The following FNIP1 variants were observed in gnomAD, a reference collection of about 807,000 sequenced individuals.
FNIP1 encodes folliculin interacting protein 1.
FNIP1 carries 40 observed loss-of-function variants against 124.5 expected under a neutral mutation model. That is an observed-to-expected ratio of 0.32 (90% CI 0.25 to 0.42). The LOEUF (loss-of-function observed/expected upper bound fraction) is 0.42, where lower values mean the gene tolerates loss of function less well. Ranked by LOEUF, FNIP1 falls within the 10% of genes least tolerant of loss-of-function variation. The pLI, the probability that FNIP1 is intolerant of heterozygous loss-of-function variation, is 1.00. For missense variants in FNIP1, 1,176 were observed against 1,403.7 expected, an observed-to-expected ratio of 0.84 and a Z score of 2.59; for synonymous variants, 472 against 470.6, an observed-to-expected ratio of 1.00 and a Z score of -0.04.
intron 8 of FNIP1, 95 bp from the exon 9 acceptor site, chr5:131,706,641 CT>C: frequency 1.6e-6 from 2 of 1,261,494 alleles, no homozygotes; most frequent in Non-Finnish European, 2.1e-6. Flanking sequence ...TTAAGTTAAA[CT>C]TTATTTTGCT....
intron 1 of FNIP1, among the ~76,000 whole-genome samples, chr5:131,767,138 A>G (rs1190917158): frequency 6.6e-6 from 1 of 152,102 alleles, no homozygotes; most frequent in Admixed American, 6.6e-5. Flanking sequence ...ATCAGGCTTA[A>G]AAGAAATTTT....
intron 15 of FNIP1, among the ~76,000 whole-genome samples, chr5:131,657,888 A>G (rs1767255232): frequency 6.6e-6 from 1 of 151,892 alleles, no homozygotes; most frequent in Admixed American, 6.6e-5. Flanking sequence ...AAAATACAAA[A>G]AAATTAGCCG....
At chr5:131,704,370 T>C in intron 9 of FNIP1, 104 bp from the exon 10 acceptor site, 2 of 916,004 alleles carry the variant, frequency 2.2e-6, no homozygotes, top group Non-Finnish European at 3.2e-6. Context: ...TTTGCTGTTT[T>C]ATCAAACAAA....
chr5:131,719,407 C>T lies in FNIP1; in HGVS notation c.365G>A (p.Cys122Tyr). The T allele has an allele frequency of 6.2e-7, 1 of 1,610,686 alleles. No homozygotes were observed. Among genetic ancestry groups the T allele is most frequent in the Non-Finnish European group, 8.5e-7 (1 of 1,179,152 alleles). The change falls in exon 4 of 18, where the codon TGC becomes TAC. Residue 122 changes from cysteine to tyrosine, a missense_variant. By Grantham distance (194) the Cys-to-Tyr change is radical. Coordinates refer to ENST00000510461, the MANE Select transcript of FNIP1 (RefSeq NM_133372.3). ...DQCLKYQGSR[C>Y]SSDANMLGEM... ...TCCAAGCATATTGGCATCAGAAGAGCACCGAGAACCCTAAACAATAACCAC... is the reference window on the plus strand; with the variant it reads ...TCCAAGCATATTGGCATCAGAAGAGTACCGAGAACCCTAAACAATAACCAC...
At chr5:131,694,641 A>C (rs1768627759) in intron 11 of FNIP1, among the ~76,000 whole-genome samples, 1 of 152,166 alleles carries the variant, frequency 6.6e-6, no homozygotes, top group African/African-American at 2.4e-5. Flanking sequence ...AGGGCGGTGA[A>C]ATTATTCTAT....
intron 11 of FNIP1, among the ~76,000 whole-genome samples, chr5:131,693,514 G>A (rs1324929808): frequency 3.3e-5 from 5 of 151,370 alleles, no homozygotes; most frequent in Admixed American, 1.3e-4. Context: ...GTGCTGCAAC[G>A]ACTGGACATC....
chr5:131,737,591 T>C (rs1029289278), intron 2 of FNIP1, among the ~76,000 whole-genome samples: 3 of 152,198 alleles, frequency 2.0e-5, no homozygotes, highest in Admixed American at 6.5e-5. Context: ...AGTCCTTTCA[T>C]GGCAATTCAC....
chr5:131,678,730 T>C (rs904884618), intron 12 of FNIP1, among the ~76,000 whole-genome samples: 21 of 152,222 alleles, frequency 1.4e-4, no homozygotes, highest in African/African-American at 5.1e-4. Context: ...GTTTTCTACC[T>C]CTTTTCTATG....
At chr5:131,723,777 G>A (rs1769753760) in intron 3 of FNIP1, among the ~76,000 whole-genome samples, 1 of 152,094 alleles carries the variant, frequency 6.6e-6, no homozygotes, top group African/African-American at 2.4e-5. Flanking sequence ...TGTTACATAG[G>A]TATAAAAGTG....
intron 1 of FNIP1, among the ~76,000 whole-genome samples, chr5:131,790,289 G>A (rs922331122): frequency 3.3e-5 from 5 of 151,880 alleles, no homozygotes; most frequent in African/African-American, 1.2e-4. Context: ...TACTGGCCTG[G>A]GCAACGTGGC....
intron 11 of FNIP1, among the ~76,000 whole-genome samples, chr5:131,688,978 G>A (rs940105397): frequency 4.0e-5 from 6 of 151,650 alleles, no homozygotes; most frequent in South Asian, 2.1e-4. Flanking sequence ...AACCATAGAC[G>A]CAGGAGGCTC....
chr5:131,700,906 T>C (rs1768879446), intron 10 of FNIP1, among the ~76,000 whole-genome samples: 1 of 152,196 alleles, frequency 6.6e-6, no homozygotes, highest in Non-Finnish European at 1.5e-5. Context: ...TTTAATTTCA[T>C]CTTTCAGCTT....
At chr5:131,770,101 C>G (rs889671998) in intron 1 of FNIP1, among the ~76,000 whole-genome samples, 1 of 152,180 alleles carries the variant, frequency 6.6e-6, no homozygotes, top group African/African-American at 2.4e-5. Flanking sequence ...TTCTGTATGT[C>G]CCAACTCTGC....
intron 15 of FNIP1, among the ~76,000 whole-genome samples, chr5:131,660,247 C>G (rs1178055509): frequency 6.6e-6 from 1 of 152,064 alleles, no homozygotes; most frequent in Non-Finnish European, 1.5e-5. Flanking sequence ...AACTCAACTG[C>G]TTTTGTAAAG....
chr5:131,794,065 C>G (rs1772495987), intron 1 of FNIP1, among the ~76,000 whole-genome samples: 1 of 151,274 alleles, frequency 6.6e-6, no homozygotes, highest in South Asian at 2.1e-4. Context: ...CATGGTGGCT[C>G]ATGCCTGTAA....
At chr5:131,666,193 T>G (rs1316839435) in intron 15 of FNIP1, among the ~76,000 whole-genome samples, 2 of 152,146 alleles carry the variant, frequency 1.3e-5, no homozygotes, top group African/African-American at 4.8e-5. Flanking sequence ...GGCCAAATAA[T>G]TTTTTTAGAA....
At chr5:131,651,015 T>C (rs1157740714) in intron 16 of FNIP1, among the ~76,000 whole-genome samples, 3 of 151,860 alleles carry the variant, frequency 2.0e-5, no homozygotes, top group African/African-American at 7.3e-5. Context: ...AATCAGAACA[T>C]ACAGACATGT....
chr5:131,729,447 G>T (rs944283062), intron 3 of FNIP1, among the ~76,000 whole-genome samples: 1 of 152,164 alleles, frequency 6.6e-6, no homozygotes, highest in African/African-American at 2.4e-5. Flanking sequence ...AGTGAGCTCC[G>T]CCCAGTTCTA....
chr5:131,674,743 A>C (rs915956007), intron 13 of FNIP1, among the ~76,000 whole-genome samples: 2 of 152,098 alleles, frequency 1.3e-5, no homozygotes, highest in African/African-American at 2.4e-5. Flanking sequence ...AAAAAGGAGA[A>C]TACAAAGCCA....
Sources: gnomAD v4.1 joint callset for allele counts (sites outside exome capture counted in the v4.1 genomes callset) on GRCh38, gnomAD v4.1.1 for gene constraint, MANE v1.5 for transcripts, NCBI Gene and HGNC (gene_info 2026-07-23, HGNC 2026-07-21) for gene names.